Variants in PIEZO1 observed in about 807,000 individuals in gnomAD.
PIEZO1 encodes the protein piezo-type mechanosensitive ion channel component 1.
A neutral mutation model predicts 297.2 loss-of-function variants in PIEZO1; 296 were observed. The ratio of observed to expected loss-of-function variants is 1.00; its 90% confidence interval spans 0.91 to 1.10. The LOEUF is 1.10. PIEZO1 is among the 50% of genes least tolerant of loss of function. The pLI is 0.00. For synonymous variants in PIEZO1, 2,427 were observed against 1,507.5 expected, an observed-to-expected ratio of 1.61 and a Z score of -14.13; for missense variants, 5,018 against 3,455.5, an observed-to-expected ratio of 1.45 and a Z score of -11.34.
intron 1 of PIEZO1, among the ~76,000 whole-genome samples, chr16:88,757,031 A>T (rs1282066115): frequency 6.6e-6 from 1 of 152,138 alleles, no homozygotes; most frequent in East Asian, 1.9e-4. Flanking sequence ...AGCCGAGATC[A>T]GGACACTGCA....
intron 12 of PIEZO1, among the ~76,000 whole-genome samples, chr16:88,735,824 G>A (rs529136774): frequency 3.1e-4 from 47 of 152,374 alleles, no homozygotes; most frequent in African/African-American, 1.1e-3. Flanking sequence ...GCGCAGGGGT[G>A]GTGCCTGTGC....
chr16:88,753,802 G>A (rs1906518404), intron 1 of PIEZO1, among the ~76,000 whole-genome samples: 1 of 152,240 alleles, frequency 6.6e-6, no homozygotes, highest in Admixed American at 6.5e-5. Context: ...TTCAGAGCAG[G>A]CTGCCTGGAG....
At chr16:88,751,768 T>C (rs985960018) in intron 1 of PIEZO1, among the ~76,000 whole-genome samples, 10 of 152,108 alleles carry the variant, frequency 6.6e-5, no homozygotes. Context: ...TCTCCACAGC[T>C]GCACTTTTCA....
At position 88,716,229 on chromosome 16, in the gene PIEZO1, G is replaced by A. The variant is rs922211056; in HGVS notation, c.7098C>T (p.Pro2366=). 29 of 1,495,620 alleles carry A rather than the reference G, an allele frequency of 1.9e-5. No individual in the cohort carries two copies. The highest frequency in any genetic ancestry group is 1.4e-4 in the African/African-American group (10 of 71,910). 92.6% of individuals were successfully genotyped at this position (1,495,620 alleles called of 1,614,324 possible). ...FPKYIRAPNG[P]EANPVKQLQP... ...GCAGCTGCTTCACAGGGTTGGCTTCGGGCCCGTTGGGGGCACGGATGTACT... is the reference window on the plus strand; with the variant it reads ...GCAGCTGCTTCACAGGGTTGGCTTCAGGCCCGTTGGGGGCACGGATGTACT... Residue 2366 remains proline (P), a synonymous_variant, in exon 49 of 51, where the codon CCC becomes CCT. Coordinates refer to ENST00000301015, the MANE Select transcript of PIEZO1 (RefSeq NM_001142864.4).
At chr16:88,742,703 C>G (rs1297242743) in intron 2 of PIEZO1, 10 of 446,928 alleles carry the variant, frequency 2.2e-5, no homozygotes, top group Non-Finnish European at 4.1e-5. Flanking sequence ...TCAGAGGAAA[C>G]CACCTGGGGT....
chr16:88,774,708 T>C (rs1907580062), intron 1 of PIEZO1, among the ~76,000 whole-genome samples: 1 of 152,202 alleles, frequency 6.6e-6, no homozygotes, highest in African/African-American at 2.4e-5. Context: ...AGAGACCGCT[T>C]GTCTTATGCC....
At chr16:88,751,076 G>A (rs901130290) in intron 1 of PIEZO1, among the ~76,000 whole-genome samples, 4 of 152,064 alleles carry the variant, frequency 2.6e-5, no homozygotes, top group Non-Finnish European at 5.9e-5. Context: ...CCCATCCTTG[G>A]TGCCAAAGGA....
At chr16:88,727,456 T>C (rs544504627) in intron 23 of PIEZO1, 101 bp downstream of exon 23, 2 of 641,068 alleles carry the variant, frequency 3.1e-6, no homozygotes, top group African/African-American at 1.9e-5. Flanking sequence ...TGACCACACC[T>C]CCGCCCGTGC....
In PIEZO1 at chr16:88,738,394, G is replaced by C; in HGVS notation, c.681C>G (p.Phe227Leu). ...AGGCCCACCAGGTGCAGAGGGCCAGGAAGAGCAGCAGGTAGACACTGGAGA... is the reference window on the plus strand; with the variant it reads ...AGGCCCACCAGGTGCAGAGGGCCAGCAAGAGCAGCAGGTAGACACTGGAGA... ...SALSSVYLLL[F>L]LALCTWWACH... is the part of the protein sequence containing the mutation. The change falls in exon 7 of 51, where the codon TTC becomes TTG. Residue 227 changes from phenylalanine (F) to leucine (L), a missense_variant. Phe to Leu is a conservative substitution (Grantham distance 22, BLOSUM62 0). Coordinates refer to ENST00000301015, the MANE Select transcript of PIEZO1 (RefSeq NM_001142864.4). 1 of 1,535,874 alleles carries C rather than the reference G, an allele frequency of 6.5e-7. No individual in the cohort carries two copies. The highest frequency in any genetic ancestry group is 8.7e-7 in the Non-Finnish European group (1 of 1,146,862).
Position 88,716,657 on chromosome 16 carries a change from C to G in PIEZO1, c.6828G>C (p.Ala2276=), listed in dbSNP as rs373525869. Residue 2276 remains alanine (A), a synonymous_variant, in exon 47 of 51, where the codon GCG becomes GCC. Transcript: ENST00000301015. ...GGCTGGGGGGACTGATGCGCCACAG[C>G]GCCCCGGAGCTGCCCTCAATCTGCG... ...VTAQIEGSSG[A]LWRISPPSRA... The G allele has an allele frequency of 5.1e-5, 79 of 1,549,206 alleles. 1 individual carries two copies. In the South Asian group the frequency reaches 8.7e-4, roughly 17 times the overall value.
chr16:88,717,451 A>T (rs1242980942), intron 44 of PIEZO1: 1 of 627,044 alleles, frequency 1.6e-6, no homozygotes, highest in African/African-American at 1.8e-5. Context: ...GTGGGAACGG[A>T]CAACCTTTTT....
rs577499354 is a variant in PIEZO1 at position 88,727,730 on chromosome 16, C to A, written c.3197-69G>T. 2.8e-5 allele frequency: 20 copies of A among 710,260 alleles called. No individual in the cohort carries two copies. The South Asian group carries it at 4.7e-4, about 17-fold the overall frequency. 44.0% of individuals were successfully genotyped at this position (710,260 alleles called of 1,614,324 possible). A position where few individuals can be genotyped will look rare whatever the true frequency, so the allele number is the denominator to read the frequency against. The stretch of plus-strand genomic sequence containing the variant: ...GGGCCTGAGACACCCGGTCCCCACC[C>A]GTTGACCCGAGTCTATCACCAGCCC... On this transcript the variant is annotated intron_variant, in intron 22 of 50. Transcript: ENST00000301015.
intron 1 of PIEZO1, among the ~76,000 whole-genome samples, chr16:88,768,560 G>A (rs572274037): frequency 1.1e-3 from 161 of 152,344 alleles, no homozygotes; most frequent in Middle Eastern, 6.8e-3. Flanking sequence ...CCGAACTCCC[G>A]GGGGTCCCGG....
At position 88,716,135 on chromosome 16, in the gene PIEZO1, A is replaced by G; in HGVS notation, c.7130-16T>C. ...GCCTCCTCATCTGGGATGGAGGGAGAAGATCGTTGAGGCCGCAGGTCACCC... is the reference window on the plus strand; with the variant it reads ...GCCTCCTCATCTGGGATGGAGGGAGGAGATCGTTGAGGCCGCAGGTCACCC... On this transcript the variant is annotated splice_polypyrimidine_tract_variant and intron_variant, in intron 49 of 50. Transcript: ENST00000301015. 6.5e-7 allele frequency: 1 copy of G among 1,535,760 alleles called. No individual in the cohort carries two copies.
In PIEZO1 at chr16:88,733,412, C is replaced by T. The variant is rs920924223; in HGVS notation, c.2530G>A (p.Ala844Thr). Reference protein sequence around the residue: ...NLLLVVLWAFALPYPRFRPMA... With the variant: ...NLLLVVLWAFTLPYPRFRPMA... ...GGCCGGAAGCGTGGGTAGGGCAGGG[C>T]GAAGGCCCACAGCACCACCAGCAGC... Residue 844 changes from alanine to threonine, a missense_variant, in exon 19 of 51, where the codon GCC (alanine) becomes ACC (threonine). Physicochemically the swap from Ala to Thr is moderately conservative, Grantham distance 58 (BLOSUM62 0). Transcript: ENST00000301015. 12 of 1,549,774 alleles carry T rather than the reference C, an allele frequency of 7.7e-6. No individual in the cohort carries two copies. The highest frequency in any genetic ancestry group is 9.6e-6 in the Non-Finnish European group (11 of 1,146,740).
At chr16:88,743,107 C>CT in intron 2 of PIEZO1, 1 of 456,592 alleles carries the variant, frequency 2.2e-6, no homozygotes, top group East Asian at 6.9e-5. Context: ...ATCTGGTTGC[C>CT]TGGCAGCCTT....
At chr16:88,717,484 C>A in intron 44 of PIEZO1, 1 of 593,674 alleles carries the variant, frequency 1.7e-6, no homozygotes, top group Non-Finnish European at 3.1e-6. Context: ...GGCACCGCCC[C>A]AGGCAGGAGA....
rs1039894506 is a variant in PIEZO1 at position 88,738,056 on chromosome 16, G to A, written c.898C>T (p.His300Tyr). ...FVGPTNCSSP[H>Y]ALVLNTGLDW... ...AGGCCGGTGTTGAGGACCAGCGCGT[G>A]GGGGCTGGAGCAGTTGGTGGGACCC... Residue 300 changes from histidine to tyrosine, a missense_variant, in exon 8 of 51, where the codon CAC becomes TAC. Transcript: ENST00000301015. The A allele has an allele frequency of 3.3e-6, 5 of 1,535,662 alleles. No homozygotes were observed. The highest frequency in any genetic ancestry group is 1.2e-5 in the South Asian group (1 of 84,070).
chr16:88,743,579 C>G (rs1202211341), intron 2 of PIEZO1: 2 of 456,566 alleles, frequency 4.4e-6, no homozygotes, highest in Admixed American at 4.7e-5. Flanking sequence ...GGGCCTGTGT[C>G]CACTCTGTTC....
Sources: allele counts gnomAD v4.1 joint callset (sites outside exome capture counted in the v4.1 genomes callset), GRCh38; gene constraint gnomAD v4.1.1; transcripts MANE v1.5; gene names NCBI Gene and HGNC (gene_info 2026-07-23, HGNC 2026-07-21).